Variants in SRPK1 observed in about 807,000 individuals in gnomAD.
SRPK1 encodes SRSF protein kinase 1, also known as SFRS protein kinase 1.
In SRPK1, 52 loss-of-function variants were observed where a neutral mutation model predicts 89.5. That is an observed-to-expected ratio of 0.58 (90% confidence interval 0.46 to 0.73). SRPK1 has a LOEUF of 0.73. SRPK1 is among the 30% of genes least tolerant of loss of function. SRPK1 has a pLI of 0.00. For missense variants in SRPK1, 603 were observed against 780.6 expected, an observed-to-expected ratio of 0.77 and a Z score of 2.71; for synonymous variants, 255 against 270.2, an observed-to-expected ratio of 0.94 and a Z score of 0.55.
At chr6:35,914,974 T>C (rs764138282) in intron 2 of SRPK1, among the ~76,000 whole-genome samples, 13 of 152,110 alleles carry the variant, frequency 8.5e-5, no homozygotes, top group Non-Finnish European at 1.8e-4. Context: ...AATTTTTGTA[T>C]TTCCAGAAGC....
chr6:35,868,746 G>T lies in SRPK1; in HGVS notation c.1512+264C>A, dbSNP rs1222758510. On this transcript the variant is annotated intron_variant, in intron 12 of 15. Transcript: ENST00000373825. ...ATATTAAAAACAAGATTGGCCAGGA[G>T]TTGACATTACTGAATCTGGGTGATG... Among the ~76,000 whole-genome samples the T allele has an allele frequency of 2.6e-5, 4 of 152,140 alleles. No homozygotes were observed. The South Asian group carries it at 6.2e-4, about 24-fold the overall frequency.
At chr6:35,858,258 A>G (rs528750606) in intron 12 of SRPK1, among the ~76,000 whole-genome samples, 1 of 152,300 alleles carries the variant, frequency 6.6e-6, no homozygotes, top group South Asian at 2.1e-4. Flanking sequence ...CAGATTTTGA[A>G]GTACATACTA....
intron 9 of SRPK1, 106 bp downstream of exon 9, chr6:35,870,828 T>A (rs1770020767): frequency 2.0e-6 from 2 of 988,350 alleles, no homozygotes; most frequent in Non-Finnish European, 3.0e-6. Flanking sequence ...GAATTTTTTT[T>A]CCTTTTGGTT....
chr6:35,904,832 A>AAAATAAAAAAT, intron 2 of SRPK1: 1 of 221,770 alleles, frequency 4.5e-6, no homozygotes, highest in Non-Finnish European at 9.1e-6. Context: ...GTAAAATAAA[A>AAAATAAAAAAT]AAATAAAAAA....
chr6:35,908,026 G>A (rs959266328), intron 2 of SRPK1, among the ~76,000 whole-genome samples: 2 of 152,204 alleles, frequency 1.3e-5, no homozygotes. Flanking sequence ...CACCATGATT[G>A]TAAGTTTCCT....
At chr6:35,882,124 G>GTAC (rs1420600228) in intron 6 of SRPK1, among the ~76,000 whole-genome samples, 24 of 63,768 alleles carry the variant, frequency 3.8e-4, no homozygotes, top group African/African-American at 1.3e-3. Context: ...AGTACTAGTA[G>GTAC]TAGTAGTAGT....
intron 6 of SRPK1, among the ~76,000 whole-genome samples, chr6:35,880,799 A>AAC: frequency 6.7e-6 from 1 of 149,506 alleles, no homozygotes; most frequent in South Asian, 2.1e-4. Flanking sequence ...GAAAAAAAAA[A>AAC]CAACGGTTGA....
intron 8 of SRPK1, among the ~76,000 whole-genome samples, chr6:35,872,268 A>T (rs1770049528): frequency 6.6e-6 from 1 of 152,212 alleles, no homozygotes; most frequent in African/African-American, 2.4e-5. Context: ...CCTATAAATG[A>T]GCATGTGTGA....
At chr6:35,869,137 G>T in intron 11 of SRPK1, 27 bp from the exon 12 acceptor site, 1 of 1,568,078 alleles carries the variant, frequency 6.4e-7, no homozygotes, top group South Asian at 1.1e-5. Context: ...TCATCAATAA[G>T]ACTGTTCAAT....
At chr6:35,870,542 TACCCCCAG>T in intron 9 of SRPK1, 48 bp from the exon 10 acceptor site, 1 of 1,486,400 alleles carries the variant, frequency 6.7e-7, no homozygotes, top group Non-Finnish European at 9.1e-7. Flanking sequence ...GCTAATTAAT[TACCCCCAG>T]TTGGAGATAG....
chr6:35,902,248 A>AAAAAG (rs1561993899), intron 2 of SRPK1, among the ~76,000 whole-genome samples: 3 of 150,414 alleles, frequency 2.0e-5, no homozygotes, highest in Admixed American at 6.6e-5. Context: ...AAAAAAAAAA[A>AAAAAG]AAAAGAAAAA....
intron 2 of SRPK1, among the ~76,000 whole-genome samples, chr6:35,917,453 G>A (rs182066328): frequency 6.6e-6 from 1 of 152,306 alleles, no homozygotes; most frequent in East Asian, 1.9e-4. Context: ...AAAGTAAAAT[G>A]GAGATCATCA....
intron 2 of SRPK1, among the ~76,000 whole-genome samples, chr6:35,902,216 C>T (rs1031479147): frequency 2.3e-5 from 3 of 128,958 alleles, no homozygotes; most frequent in African/African-American, 5.9e-5. Context: ...GGCCAGATGG[C>T]GAGACTCCGT....
In SRPK1 at chr6:35,882,309, T is replaced by C. The variant is rs1434349719; in HGVS notation, c.478+4415A>G. Among the ~76,000 whole-genome samples, 3 of 152,006 alleles carry C rather than the reference T, an allele frequency of 2.0e-5. No homozygotes were observed. In the East Asian group the frequency reaches 5.8e-4, roughly 29 times the overall value. On this transcript the variant is annotated intron_variant, in intron 6 of 15. Transcript: ENST00000373825. ...GTATAATAATTGCATTCAGGTTATC[T>C]TTTTATTTAACAAATCTTTTTGTCA...
intron 3 of SRPK1, among the ~76,000 whole-genome samples, chr6:35,889,671 C>T (rs1321970513): frequency 1.3e-5 from 2 of 152,078 alleles, no homozygotes; most frequent in Non-Finnish European, 2.9e-5. Context: ...GTAGTCCCAG[C>T]TACTCGGGAG....
intron 2 of SRPK1, among the ~76,000 whole-genome samples, chr6:35,912,304 T>C (rs1241816988): frequency 6.6e-6 from 1 of 152,150 alleles, no homozygotes; most frequent in African/African-American, 2.4e-5. Context: ...TGAGCTATGA[T>C]AGCACCACTG....
chr6:35,920,341 T>C, intron 2 of SRPK1, 127 bp downstream of exon 2: 1 of 979,062 alleles, frequency 1.0e-6, no homozygotes, highest in Non-Finnish European at 1.6e-6. Flanking sequence ...CCCTCCGAGC[T>C]GCCCCGAGGC....
rs1317176071 is a variant in SRPK1 at position 35,876,211 on chromosome 6, C to T, written c.479-1872G>A. ...GATAGCATCTCAAACTAATAAATGA[C>T]TAAAATAAAAAAACTAAACATCACC... On this transcript the variant is annotated intron_variant, in intron 6 of 15. Transcript: ENST00000373825. Among the ~76,000 whole-genome samples, 3 of 151,124 alleles carry T rather than the reference C, an allele frequency of 2.0e-5. No individual in the cohort carries two copies. In the East Asian group the frequency reaches 5.9e-4, roughly 29 times the overall value.
intron 2 of SRPK1, among the ~76,000 whole-genome samples, chr6:35,907,637 G>A (rs557966070): frequency 5.5e-4 from 84 of 152,116 alleles, no homozygotes; most frequent in Admixed American, 1.6e-3. Flanking sequence ...CCCGGGAGGC[G>A]GGGGTTGCAG....
Sources: gnomAD v4.1 joint callset for allele counts (sites outside exome capture counted in the v4.1 genomes callset) on GRCh38, gnomAD v4.1.1 for gene constraint, MANE v1.5 for transcripts, NCBI Gene and HGNC (gene_info 2026-07-23, HGNC 2026-07-21) for gene names.